FRMD5: variants seen among roughly 807,000 people sequenced by gnomAD.
The protein encoded by FRMD5 is FERM domain-containing protein 5.
Under a neutral mutation model 69.0 loss-of-function variants are expected in FRMD5, and 20 were observed. The observed-to-expected ratio is 0.29, with a 90% CI of 0.20 to 0.42. The LOEUF is 0.42. FRMD5 is among the 10% of genes least tolerant of loss of function. The pLI is 1.00. For missense variants in FRMD5, 595 were observed against 708.6 expected (o/e 0.84, Z 1.82); for synonymous variants, 271 against 260.1 (o/e 1.04, Z -0.40).
chr15:44,190,186 G>A (rs959864651), intron 1 of FRMD5, among the ~76,000 whole-genome samples: 2 of 152,154 alleles, frequency 1.3e-5, no homozygotes, highest in South Asian at 2.1e-4. Flanking sequence ...CGAGCAACTC[G>A]CAGAGTCAGA....
intron 1 of FRMD5, among the ~76,000 whole-genome samples, chr15:44,164,744 C>T (rs2077680387): frequency 6.6e-6 from 1 of 152,196 alleles, no homozygotes; most frequent in Non-Finnish European, 1.5e-5. Context: ...GACACTCCTA[C>T]CTTGGTCTTT....
chr15:43,883,339 C>T (rs2088582513), intron 13 of FRMD5, among the ~76,000 whole-genome samples: 1 of 152,170 alleles, frequency 6.6e-6, no homozygotes, highest in Admixed American at 6.5e-5. Flanking sequence ...CTCAAGTGAT[C>T]CACCCATCTA....
At chr15:44,140,088 T>C (rs558954901) in intron 1 of FRMD5, among the ~76,000 whole-genome samples, 42 of 152,178 alleles carry the variant, frequency 2.8e-4, no homozygotes, top group South Asian at 2.3e-3. Context: ...TGTGTATACA[T>C]ATATACACAC....
chr15:44,175,409 T>G (rs2706484), intron 1 of FRMD5, among the ~76,000 whole-genome samples: 3 of 152,094 alleles, frequency 2.0e-5, no homozygotes, highest in Non-Finnish European at 4.4e-5. Flanking sequence ...AAAACCTCAA[T>G]GAAATATCAC....
intron 8 of FRMD5, among the ~76,000 whole-genome samples, chr15:43,889,483 T>C (rs2088745406): frequency 6.6e-6 from 1 of 152,134 alleles, no homozygotes; most frequent in South Asian, 2.1e-4. Flanking sequence ...TTAGGGGTTA[T>C]TGTAGAAAAA....
chr15:43,971,441 C>T (rs2090375886), intron 1 of FRMD5, among the ~76,000 whole-genome samples: 1 of 151,692 alleles, frequency 6.6e-6, no homozygotes, highest in Admixed American at 6.6e-5. Context: ...CTCACCAGCA[C>T]TTTGGGAGGC....
intron 1 of FRMD5, among the ~76,000 whole-genome samples, chr15:44,128,332 T>C (rs2140413132): frequency 6.6e-6 from 1 of 152,220 alleles, no homozygotes; most frequent in African/African-American, 2.4e-5. Context: ...ATACAAAAAT[T>C]AGCTGGGCGT....
At chr15:44,154,063 C>T (rs1396501430) in intron 1 of FRMD5, among the ~76,000 whole-genome samples, 1 of 152,134 alleles carries the variant, frequency 6.6e-6, no homozygotes, top group Non-Finnish European at 1.5e-5. Flanking sequence ...GGCTCACACC[C>T]GTAGTCCTAG....
At chr15:43,976,409 T>C (rs1203458490) in intron 1 of FRMD5, among the ~76,000 whole-genome samples, 1 of 152,158 alleles carries the variant, frequency 6.6e-6, no homozygotes, top group Non-Finnish European at 1.5e-5. Context: ...GACTTGCATG[T>C]AGAATAAAAA....
At chr15:44,184,087 C>A (rs1185579291) in intron 1 of FRMD5, among the ~76,000 whole-genome samples, 1 of 152,138 alleles carries the variant, frequency 6.6e-6, no homozygotes, top group Non-Finnish European at 1.5e-5. Flanking sequence ...CACTCCAACC[C>A]CTCTGTTTCT....
chr15:44,149,056 A>G (rs2077403335), intron 1 of FRMD5, among the ~76,000 whole-genome samples: 1 of 152,200 alleles, frequency 6.6e-6, no homozygotes, highest in African/African-American at 2.4e-5. Context: ...TAAGAGACTC[A>G]TGTATTAAAA....
intron 7 of FRMD5, among the ~76,000 whole-genome samples, chr15:43,896,148 T>C (rs768539803): frequency 3.9e-5 from 6 of 152,166 alleles, no homozygotes; most frequent in Admixed American, 3.3e-4. Context: ...CTGATAGCTA[T>C]GCCGTGGATA....
At chr15:44,092,891 G>A (rs1245314095) in intron 1 of FRMD5, among the ~76,000 whole-genome samples, 1 of 145,198 alleles carries the variant, frequency 6.9e-6, no homozygotes, top group Non-Finnish European at 1.5e-5. Flanking sequence ...ATCTTACTTT[G>A]CATTATAGTA....
At chr15:44,052,195 G>C (rs183237112) in intron 1 of FRMD5, among the ~76,000 whole-genome samples, 51 of 152,138 alleles carry the variant, frequency 3.4e-4, no homozygotes, top group African/African-American at 1.2e-3. Flanking sequence ...ATTTATATCA[G>C]TATGGACTTA....
intron 7 of FRMD5, among the ~76,000 whole-genome samples, chr15:43,899,267 G>A (rs973074096): frequency 6.6e-6 from 1 of 152,186 alleles, no homozygotes; most frequent in Non-Finnish European, 1.5e-5. Flanking sequence ...GGAGAGCTGA[G>A]GAATCATGGC....
chr15:44,159,959 C>T (rs942011810), intron 1 of FRMD5, among the ~76,000 whole-genome samples: 1 of 152,196 alleles, frequency 6.6e-6, no homozygotes, highest in Non-Finnish European at 1.5e-5. Flanking sequence ...AGTGAGGCTC[C>T]TCAAGTGGCA....
chr15:43,875,804 G>GA (rs2088328654), intron 13 of FRMD5: 3 of 209,616 alleles, frequency 1.4e-5, no homozygotes, highest in Non-Finnish European at 2.5e-5. Context: ...CCTGGGCCTA[G>GA]TTTTTTTTTT....
chr15:44,140,922 TTAAAA>T (rs1411735548), intron 1 of FRMD5, among the ~76,000 whole-genome samples: 1 of 144,006 alleles, frequency 6.9e-6, no homozygotes, highest in Non-Finnish European at 1.5e-5. Flanking sequence ...GAATTTACAA[TTAAAA>T]TAAAGAGGAT....
chr15:43,876,246 T>C, intron 13 of FRMD5: 2 of 1,546,618 alleles, frequency 1.3e-6, no homozygotes, highest in Non-Finnish European at 1.8e-6. Flanking sequence ...GGGCGGCATC[T>C]TGGAAGCTTG....
Sources: allele counts gnomAD v4.1 joint callset (sites outside exome capture counted in the v4.1 genomes callset), GRCh38; gene constraint gnomAD v4.1.1; transcripts MANE v1.5; gene names NCBI Gene and HGNC (gene_info 2026-07-23, HGNC 2026-07-21).